Variants in USP49 observed in about 807,000 individuals in gnomAD.
The protein encoded by USP49 is ubiquitin carboxyl-terminal hydrolase 49.
A neutral mutation model predicts 58.6 loss-of-function variants in USP49; 24 were observed. That is an observed-to-expected ratio of 0.41 (90% CI 0.30 to 0.58). The LOEUF (loss-of-function observed/expected upper bound fraction) is 0.58. Among genes scored for constraint, USP49 ranks in the 20% least tolerant of loss-of-function variants. The probability of loss-of-function intolerance (pLI) is 0.30; values close to 1 mark genes in which losing one functional copy is unlikely to be tolerated. For synonymous variants in USP49, 408 were observed against 365.1 expected (o/e 1.12, Z -1.34); for missense variants, 703 against 866.1 (o/e 0.81, Z 2.36).
intron 3 of USP49, among the ~76,000 whole-genome samples, chr6:41,812,641 C>A (rs1243834623): frequency 1.3e-5 from 2 of 151,766 alleles, no homozygotes; most frequent in Non-Finnish European, 2.9e-5. Context: ...TGCAGTGAGC[C>A]GAGATCACAC....
At chr6:41,827,784 A>C (rs1582006499) in intron 3 of USP49, among the ~76,000 whole-genome samples, 2 of 152,052 alleles carry the variant, frequency 1.3e-5, no homozygotes, top group South Asian at 2.1e-4. Flanking sequence ...TTGAACACTT[A>C]CTACATCCAG....
intron 3 of USP49, among the ~76,000 whole-genome samples, chr6:41,851,972 A>AG (rs1355866618): frequency 2.4e-4 from 36 of 150,418 alleles, no homozygotes; most frequent in African/African-American, 8.5e-4. Flanking sequence ...AAAAAAAAAA[A>AG]AAAAGAAAGA....
At chr6:41,816,936 AC>A (rs1773362516) in intron 3 of USP49, among the ~76,000 whole-genome samples, 1 of 151,332 alleles carries the variant, frequency 6.6e-6, no homozygotes, top group South Asian at 2.1e-4. Flanking sequence ...AAATTCCTGA[AC>A]TGAAGTGATC....
chr6:41,820,515 T>A (rs1416565516), intron 3 of USP49, among the ~76,000 whole-genome samples: 1 of 152,028 alleles, frequency 6.6e-6, no homozygotes, highest in East Asian at 1.9e-4. Context: ...TCTGATATAT[T>A]TATAGGTGAA....
At chr6:41,805,043 C>T (rs1447914580) in intron 4 of USP49, among the ~76,000 whole-genome samples, 3 of 152,228 alleles carry the variant, frequency 2.0e-5, no homozygotes, top group Non-Finnish European at 4.4e-5. Context: ...CCACCGTGCC[C>T]GGCACACCTG....
chr6:41,843,194 C>T (rs1249702860), intron 3 of USP49, among the ~76,000 whole-genome samples: 3 of 152,198 alleles, frequency 2.0e-5, no homozygotes, highest in African/African-American at 7.2e-5. Context: ...TCTTCTTATC[C>T]TACCATGCAC....
Position 41,879,216 on chromosome 6 carries a change from G to A in USP49, c.-102-7579C>T, listed in dbSNP as rs140397631. ...TTGAGACCAGCCTGGCTAACATAAC[G>A]AGACTCTGCCTCTATGTTTTGTTTG... On this transcript the variant is annotated intron_variant, in intron 2 of 7. Transcript: ENST00000682992. Among the ~76,000 whole-genome samples the A allele has an allele frequency of 6.2e-3, 948 of 152,178 alleles. 9 individuals carry two copies. Among genetic ancestry groups the A allele is most frequent in the African/African-American group, 0.02 (829 of 41,508 alleles).
intron 3 of USP49, among the ~76,000 whole-genome samples, chr6:41,834,502 TC>T (rs35954178): frequency 1.3e-5 from 2 of 152,128 alleles, no homozygotes; most frequent in South Asian, 2.1e-4. Context: ...TGAATTGTAA[TC>T]CCCAGTGTTG....
In USP49 at chr6:41,806,321, C is replaced by A. The variant is rs142876035; in HGVS notation, c.663G>T (p.Pro221=). 3.2e-6 allele frequency: 5 copies of A among 1,552,428 alleles called. No homozygotes were observed. The East Asian group carries it at 9.1e-5, about 28-fold the overall frequency. Reference sequence around the variant, plus strand: ...GGAGGGCGGCGGGGCGCGAGGCAGCCGGGCCCGCGTCGCGGGGCGTGTGCA... The same window carrying A: ...GGAGGGCGGCGGGGCGCGAGGCAGCAGGGCCCGCGTCGCGGGGCGTGTGCA... The part of the protein sequence containing the change: ...LLLHTPRDAG[P]AASRPAALPT... Residue 221 remains proline, a synonymous_variant, in exon 4 of 8, where the codon CCG becomes CCT. Transcript: ENST00000682992. The surrounding 1 kb of genome is among the most constrained non-coding windows in gnomAD (Gnocchi z 5.9).
chr6:41,893,937 GT>G (rs1774851176), intron 1 of USP49: 1 of 150,686 alleles, frequency 6.6e-6, no homozygotes, highest in Non-Finnish European at 1.5e-5. Context: ...ACTCACCATG[GT>G]TCCTCGTCTT....
Position 41,806,051 on chromosome 6 carries a change from C to T in USP49, c.933G>A (p.Ser311=). 1 of 1,613,996 alleles carries T rather than the reference C, an allele frequency of 6.2e-7. No individual in the cohort carries two copies. The highest frequency in any genetic ancestry group is 1.1e-5 in the South Asian group (1 of 91,072). ...CATTTCTCAAGGACAGCTCCGTGGCCGAGCTGTTGGTTGGCTTGCCAGAAA... is the reference window on the plus strand; with the variant it reads ...CATTTCTCAAGGACAGCTCCGTGGCTGAGCTGTTGGTTGGCTTGCCAGAAA... ...TQLSGKPTNS[S]ATELSLRNDR... Residue 311 remains serine, a synonymous_variant, in exon 4 of 8, where the codon TCG becomes TCA. Coordinates refer to ENST00000682992, the MANE Select transcript of USP49 (RefSeq NM_001286554.2). The surrounding 1 kb of genome is among the most constrained non-coding windows in gnomAD (Gnocchi z 5.9).
intron 3 of USP49, among the ~76,000 whole-genome samples, chr6:41,810,651 A>G (rs1773241597): frequency 6.7e-6 from 1 of 149,932 alleles, no homozygotes; most frequent in African/African-American, 2.5e-5. Flanking sequence ...GGTTCAAGCA[A>G]TCCTCCTGCC....
intron 3 of USP49, among the ~76,000 whole-genome samples, chr6:41,809,297 T>C (rs920457304): frequency 2.7e-5 from 4 of 146,524 alleles, no homozygotes; most frequent in Non-Finnish European, 6.0e-5. Context: ...CCGAGGCAGG[T>C]GGATCACCTA....
At position 41,791,133 on chromosome 6, in the gene USP49, A is replaced by C. The variant is rs577658429; in HGVS notation, c.*5400T>G. The stretch of plus-strand genomic sequence containing the variant: ...CCAAAATTGAAAATCAAAATCCAGC[A>C]AGAATTAAGACATGGCAGCTTCCAA... On this transcript the variant is annotated 3_prime_UTR_variant, in exon 8 of 8. Transcript: ENST00000682992. The C allele has an allele frequency of 6.6e-6, 1 of 152,392 alleles. No individual in the cohort carries two copies. Among genetic ancestry groups the C allele is most frequent in the East Asian group, 1.9e-4 (1 of 5,196 alleles). 9.4% of individuals were successfully genotyped at this position (152,392 alleles called of 1,614,324 possible). A position where few individuals can be genotyped will look rare whatever the true frequency, so the allele number is the denominator to read the frequency against.
rs1325765543 is a variant in USP49, at chr6:41,805,950, A to G, written c.1034T>C (p.Ile345Thr). Reference sequence around the variant, plus strand: ...CTTTGAACTCGGCTCCTTGTTCTGGATGAGCTCCAGACTCCGACTAATGGA... The same window carrying G: ...CTTTGAACTCGGCTCCTTGTTCTGGGTGAGCTCCAGACTCCGACTAATGGA... ...RASISRSLEL[I>T]QNKEPSSKHI... Residue 345 changes from isoleucine to threonine, a missense_variant, in exon 4 of 8, where the codon ATC becomes ACC. Coordinates refer to ENST00000682992, the MANE Select transcript of USP49 (RefSeq NM_001286554.2). 1.2e-6 allele frequency: 2 copies of G among 1,613,776 alleles called. No individual in the cohort carries two copies. The highest frequency in any genetic ancestry group is 1.1e-5 in the South Asian group (1 of 91,076).
At chr6:41,894,891 T>G (rs1379500555) in intron 1 of USP49, among the ~76,000 whole-genome samples, 1 of 151,864 alleles carries the variant, frequency 6.6e-6, no homozygotes, top group East Asian at 1.9e-4. Flanking sequence ...CCTCATCTCA[T>G]TCTCAACCCG....
intron 3 of USP49, among the ~76,000 whole-genome samples, chr6:41,821,993 C>A (rs374883319): frequency 6.6e-6 from 1 of 152,176 alleles, no homozygotes; most frequent in Admixed American, 6.5e-5. Context: ...CAAACACCAA[C>A]CAACAGGTTG....
chr6:41,850,891 G>A (rs564313222), intron 3 of USP49, among the ~76,000 whole-genome samples: 66 of 151,666 alleles, frequency 4.4e-4, no homozygotes, highest in South Asian at 2.9e-3. Flanking sequence ...GTAAGCCACC[G>A]CGCCTGGCCA....
intron 3 of USP49, among the ~76,000 whole-genome samples, chr6:41,823,716 C>T (rs1380103660): frequency 2.0e-5 from 3 of 152,134 alleles, no homozygotes; most frequent in Non-Finnish European, 4.4e-5. Context: ...CTCTTTTCCC[C>T]AACTCTCAAG....
Sources: gnomAD v4.1 joint callset for allele counts (sites outside exome capture counted in the v4.1 genomes callset) on GRCh38, gnomAD v4.1.1 for gene constraint, Gnocchi (gnomAD v3.1) non-coding constraint, MANE v1.5 for transcripts, NCBI Gene and HGNC (gene_info 2026-07-23, HGNC 2026-07-21) for gene names.